The following SLC50A1 variants were observed in gnomAD, a reference collection of about 807,000 sequenced individuals.
The protein encoded by SLC50A1 is solute carrier family 50 member 1.
Under a neutral mutation model 28.9 loss-of-function variants are expected in SLC50A1, and 22 were observed. The observed-to-expected ratio is 0.76, with a 90% confidence interval of 0.54 to 1.09. The LOEUF (loss-of-function observed/expected upper bound fraction) is 1.09, where lower values mean the gene tolerates loss of function less well. Among genes scored for constraint, SLC50A1 ranks in the 50% least tolerant of loss-of-function variants. SLC50A1 has a pLI of 0.00. For synonymous variants in SLC50A1, 96 were observed against 110.6 expected (o/e 0.87, Z 0.83); for missense variants, 233 against 273.4 (o/e 0.85, Z 1.04).
upstream of SLC50A1, chr1:155,135,581 G>A (rs1011225470): frequency 5.2e-6 from 8 of 1,548,174 alleles, no homozygotes; most frequent in Non-Finnish European, 7.0e-6. Context: ...GACTGGGGGC[G>A]TCTAGATGAT....
chr1:155,137,605 C>T lies in SLC50A1; in HGVS notation c.327C>T (p.Leu109=). ...LQTATLLGVL[L]LGYGYFWLLV... is the part of the protein sequence containing the mutation. ...CTGCAACCCTGCTAGGGGTCCTTCT[C>T]CTGGGTTATGGCTACTTTTGGCTCC... The change falls in exon 4 of 6, where the codon CTC becomes CTT. Residue 109 remains leucine (L), a synonymous_variant. Coordinates refer to ENST00000368404, the MANE Select transcript of SLC50A1 (RefSeq NM_018845.4). 6.2e-7 allele frequency: 1 copy of T among 1,614,174 alleles called. No individual in the cohort carries two copies. Among genetic ancestry groups the T allele is most frequent in the Admixed American group, 1.7e-5 (1 of 60,018 alleles).
At chr1:155,137,437 T>C (rs969460750) in intron 3 of SLC50A1, 124 bp from the exon 4 acceptor site, 6 of 1,123,486 alleles carry the variant, frequency 5.3e-6, no homozygotes, top group Middle Eastern at 3.0e-4. Flanking sequence ...GCTGTGACAG[T>C]GCAGTGCTGG....
chr1:155,136,699 T>C (rs1056584633), intron 2 of SLC50A1, 129 bp from the exon 3 acceptor site: 38 of 1,314,966 alleles, frequency 2.9e-5, no homozygotes, highest in Middle Eastern at 2.5e-4. Flanking sequence ...GCCGAGATCG[T>C]GCCACCGCAC....
chr1:155,138,296 C>A lies in SLC50A1; in HGVS notation c.*15C>A. 8.1e-6 allele frequency: 13 copies of A among 1,612,228 alleles called. No homozygotes were observed. The highest frequency in any genetic ancestry group is 1.1e-5 in the Non-Finnish European group (13 of 1,179,154). ...TGCAAACCTGAGGCTGCTCATCTGA[C>A]CACTGGGCACCTTAGTGCCAACCTG... On this transcript the variant is annotated 3_prime_UTR_variant, in exon 6 of 6. Transcript: ENST00000368404.
At chr1:155,135,806 C>A, upstream of SLC50A1, 1 of 1,565,240 alleles carries the variant, frequency 6.4e-7, no homozygotes, top group Non-Finnish European at 8.7e-7. Flanking sequence ...GGGGCGGAGC[C>A]GAGTGCGCGG....
chr1:155,135,688 C>T (rs908552468), upstream of SLC50A1: 11 of 1,550,144 alleles, frequency 7.1e-6, no homozygotes, highest in Admixed American at 2.0e-4. Flanking sequence ...GAGGTCTGGA[C>T]CAGGGTACTG....
intron 4 of SLC50A1, 57 bp from the exon 5 acceptor site, chr1:155,137,922 G>T: frequency 6.2e-7 from 1 of 1,611,702 alleles, no homozygotes. Context: ...AAATTCTTAG[G>T]CAAGTGAAGC....
In SLC50A1 at chr1:155,136,331, G is replaced by A; in HGVS notation, c.113G>A (p.Ser38Asn). 1 of 1,612,232 alleles carries A rather than the reference G, an allele frequency of 6.2e-7. No homozygotes were observed. The highest frequency in any genetic ancestry group is 2.2e-5 in the East Asian group (1 of 44,780). Reference protein sequence around the residue: ...SDLRHMRMTRSVDNVQFLPFL... With the variant: ...SDLRHMRMTRNVDNVQFLPFL... ...CTCAGGCACATGCGAATGACCCGGA[G>A]TGTGGACAACGTCCAGTTCCTGCCC... Residue 38 changes from serine (S) to asparagine (N), a missense_variant, in exon 2 of 6, where the codon AGT becomes AAT. Coordinates refer to ENST00000368404, the MANE Select transcript of SLC50A1 (RefSeq NM_018845.4).
Position 155,136,302 on chromosome 1 carries a change from G to C in SLC50A1, c.84G>C (p.Ser28=), listed in dbSNP as rs1461897935. 6.2e-7 allele frequency: 1 copy of C among 1,602,802 alleles called. No homozygotes were observed. The highest frequency in any genetic ancestry group is 1.7e-5 in the Admixed American group (1 of 59,108). Residue 28 remains serine (S), a synonymous_variant, in exon 2 of 6, where the codon TCG becomes TCC. Transcript: ENST00000368404. ...TCCCTTCGGGGCCCCATTACAGCTC[G>C]GACCTCAGGCACATGCGAATGACCC... ...FTLGMFSAGL[S]DLRHMRMTRS...
At chr1:155,135,851 T>C (rs1664409102), upstream of SLC50A1, 6 of 1,608,364 alleles carry the variant, frequency 3.7e-6, no homozygotes, top group Admixed American at 5.1e-5. Flanking sequence ...TGGGCTGCAG[T>C]AGGTCCCGGC....
In SLC50A1 at chr1:155,137,634, T is replaced by C; in HGVS notation, c.356T>C (p.Val119Ala). The C allele has an allele frequency of 6.2e-7, 1 of 1,614,200 alleles. No homozygotes were observed. Among genetic ancestry groups the C allele is most frequent in the Non-Finnish European group, 8.5e-7 (1 of 1,180,010 alleles). The change falls in exon 4 of 6, where the codon GTA (valine) becomes GCA (alanine). Residue 119 changes from valine to alanine, a missense_variant. Transcript: ENST00000368404. ...LLGYGYFWLL[V>A]PNPEARLQQL... ...GGTTATGGCTACTTTTGGCTCCTGG[T>C]ACCCAACCCTGAGGCCCGGCTTCAG...
intron 1 of SLC50A1, 42 bp downstream of exon 1, chr1:155,136,033 CAGGAA>C: frequency 6.2e-7 from 1 of 1,607,428 alleles, no homozygotes; most frequent in Non-Finnish European, 8.5e-7. Flanking sequence ...ACTAGGCAGT[CAGGAA>C]AGGAGAGAGA....
intron 1 of SLC50A1, 102 bp downstream of exon 1, chr1:155,136,093 G>T: frequency 1.5e-6 from 2 of 1,337,988 alleles, no homozygotes; most frequent in South Asian, 1.2e-5. Context: ...CCGGAACCGG[G>T]ATCAAAGTGG....
intron 3 of SLC50A1, 146 bp downstream of exon 3, chr1:155,137,097 T>C: frequency 9.5e-7 from 1 of 1,055,400 alleles, no homozygotes; most frequent in Non-Finnish European, 1.4e-6. Flanking sequence ...CCTTCCTCTA[T>C]GAAGCCAGCC....
chr1:155,136,443 G>A, intron 2 of SLC50A1, 67 bp downstream of exon 2: 1 of 1,477,912 alleles, frequency 6.8e-7, no homozygotes. Context: ...GGCAGGAGGA[G>A]CAAGAGTGAA....
chr1:155,137,439 C>A, intron 3 of SLC50A1, 122 bp from the exon 4 acceptor site: 1 of 1,147,054 alleles, frequency 8.7e-7, no homozygotes, highest in Non-Finnish European at 1.2e-6. Context: ...TGTGACAGTG[C>A]AGTGCTGGAG....
chr1:155,137,782 C>T, intron 4 of SLC50A1, 60 bp downstream of exon 4: 2 of 1,598,184 alleles, frequency 1.3e-6, no homozygotes, highest in Non-Finnish European at 1.7e-6. Flanking sequence ...TAGCCAAATA[C>T]TATGGCTTAC....
chr1:155,137,710 A>AAGTC lies in SLC50A1; in HGVS notation c.432_433insAGTC (p.Leu145SerfsTer4). 6.2e-7 allele frequency: 1 copy of AAGTC among 1,614,052 alleles called. No individual in the cohort carries two copies. The highest frequency in any genetic ancestry group is 8.5e-7 in the Non-Finnish European group (1 of 1,179,998). On this transcript the variant is annotated frameshift_variant, in exon 4 of 6. Coordinates refer to ENST00000368404, the MANE Select transcript of SLC50A1 (RefSeq NM_018845.4). LOFTEE classifies it high-confidence loss of function. Reference sequence around the variant, plus strand: ...TCACCATCAGCATGTACCTCTCACCACTGGCTGACTTGGTGAGTGGGGGTG... The same window carrying AAGTC: ...TCACCATCAGCATGTACCTCTCACCAAGTCCTGGCTGACTTGGTGAGTGGGGGTG...
At position 155,135,923 on chromosome 1, in the gene SLC50A1, C is replaced by A; in HGVS notation, c.12C>A (p.Gly4=). The change falls in exon 1 of 6, where the codon GGC becomes GGA. Residue 4 remains glycine (G), a synonymous_variant. Coordinates refer to ENST00000368404, the MANE Select transcript of SLC50A1 (RefSeq NM_018845.4). MEA[G]GFLDSLIYGA... is the part of the protein sequence containing the mutation. ...CGACTCTAGTCGTAATGGAGGCGGGCGGCTTTCTGGACTCGCTCATTTACG... is the reference window on the plus strand; with the variant it reads ...CGACTCTAGTCGTAATGGAGGCGGGAGGCTTTCTGGACTCGCTCATTTACG... 2 of 1,612,280 alleles carry A rather than the reference C, an allele frequency of 1.2e-6. No individual in the cohort carries two copies. Among genetic ancestry groups the A allele is most frequent in the Admixed American group, 1.7e-5 (1 of 59,948 alleles).
Sources: allele counts gnomAD v4.1 joint callset, GRCh38; gene constraint gnomAD v4.1.1; transcripts MANE v1.5; gene names NCBI Gene and HGNC (gene_info 2026-07-23, HGNC 2026-07-21).